BAD: variants seen among roughly 807,000 people sequenced by gnomAD.
BAD encodes the protein BCL2 associated agonist of cell death.
In BAD, 18 loss-of-function variants were observed where a neutral mutation model predicts 17.8. That is an observed-to-expected ratio of 1.01 (90% CI 0.70 to 1.50). The LOEUF (loss-of-function observed/expected upper bound fraction) is 1.50, where lower values mean the gene tolerates loss of function less well. Ranked by LOEUF, BAD falls within the 40% of genes most tolerant of loss-of-function variation. The pLI is 0.00. For synonymous variants in BAD, 112 were observed against 91.5 expected (o/e 1.22, Z -1.28); for missense variants, 294 against 239.3 (o/e 1.23, Z -1.51).
intron 2 of BAD, among the ~76,000 whole-genome samples, chr11:64,281,913 G>A (rs1023985926): frequency 3.9e-5 from 6 of 152,178 alleles, no homozygotes; most frequent in African/African-American, 1.4e-4. Context: ...TAGAGATGGG[G>A]TTTCACCATG....
intron 2 of BAD, among the ~76,000 whole-genome samples, chr11:64,278,960 A>G (rs534978415): frequency 2.0e-5 from 3 of 152,280 alleles, no homozygotes; most frequent in Non-Finnish European, 4.4e-5. Context: ...AAAGGTTAAG[A>G]AATCCAGCTC....
intron 3 of BAD, 48 bp downstream of exon 3, chr11:64,271,565 G>T: frequency 7.3e-7 from 1 of 1,366,220 alleles, no homozygotes; most frequent in South Asian, 1.7e-5. Flanking sequence ...GACCGGCGGG[G>T]GGCGGCCTGG....
chr11:64,269,917 G>A lies in BAD; in HGVS notation c.*292C>T. On this transcript the variant is annotated 3_prime_UTR_variant, in exon 4 of 4. Transcript: ENST00000309032. The stretch of plus-strand genomic sequence containing the variant: ...GGGCTCGGGTCCCGGTGACGCAACG[G>A]TTAAACCTGGCTCGCGACTTAGCGC... 3 of 705,820 alleles carry A rather than the reference G, an allele frequency of 4.3e-6. No individual in the cohort carries two copies. Among genetic ancestry groups the A allele is most frequent in the Non-Finnish European group, 7.7e-6 (3 of 390,480 alleles). The allele number at this position is 705,820 out of a possible 1,614,324, so 43.7% of individuals were successfully genotyped here. A position where few individuals can be genotyped will look rare whatever the true frequency, so the allele number is the denominator to read the frequency against.
rs1272434434 is a variant in BAD, at chr11:64,284,303, C to T, written c.66G>A (p.Leu22=). The T allele has an allele frequency of 5.0e-6, 8 of 1,612,162 alleles. No homozygotes were observed. The highest frequency in any genetic ancestry group is 6.8e-6 in the Non-Finnish European group (8 of 1,179,954). ...GCCCGTCCCCTGCGGGGCTGGGGCC[C>T]AGGCCCCTCTCTGCAGAGCTGGAGT... ...QEDSSSAERG[L]GPSPAGDGPS... The change falls in exon 2 of 4, where the codon CTG becomes CTA. Residue 22 remains leucine, a synonymous_variant. Coordinates refer to ENST00000309032, the MANE Select transcript of BAD (RefSeq NM_032989.3).
rs577299407 is a variant in BAD at position 64,280,686 on chromosome 11, G to A, written c.187+3496C>T. 8.0e-5 allele frequency among the ~76,000 whole-genome samples: 12 copies of A among 150,350 alleles called. No homozygotes were observed. The East Asian group carries it at 2.4e-3, about 30-fold the overall frequency. On this transcript the variant is annotated intron_variant, in intron 2 of 3. Coordinates refer to ENST00000309032, the MANE Select transcript of BAD (RefSeq NM_032989.3). ...TATTTTTATTTATTTTTTGTTTTTT[G>A]AGACGGACTCTTGCTCTGTCACCCA...
intron 2 of BAD, among the ~76,000 whole-genome samples, chr11:64,280,816 C>T (rs1002257584): frequency 2.0e-5 from 3 of 151,750 alleles, no homozygotes; most frequent in Middle Eastern, 3.2e-3. Context: ...TACAGGCGCC[C>T]ACCACCACAT....
At chr11:64,276,304 G>GTATGTA (rs2033058157) in intron 2 of BAD, 1 of 151,166 alleles carries the variant, frequency 6.6e-6, no homozygotes, top group Non-Finnish European at 1.5e-5. Flanking sequence ...ATATTTGTGT[G>GTATGTA]TGTGTGTGTG....
intron 2 of BAD, chr11:64,277,120 CAG>C: frequency 1.5e-6 from 1 of 645,580 alleles, no homozygotes; most frequent in Non-Finnish European, 2.9e-6. Flanking sequence ...TTAATTAAAA[CAG>C]TGGTGTTCCA....
chr11:64,277,504 C>T (rs2033155603), intron 2 of BAD, among the ~76,000 whole-genome samples: 4 of 152,236 alleles, frequency 2.6e-5, no homozygotes, highest in African/African-American at 9.6e-5. Flanking sequence ...GTGGCACGAT[C>T]TCAGCTTACT....
At chr11:64,281,258 G>A (rs1055109156) in intron 2 of BAD, among the ~76,000 whole-genome samples, 4 of 152,152 alleles carry the variant, frequency 2.6e-5, no homozygotes, top group African/African-American at 4.8e-5. Context: ...GAGCCACCGC[G>A]CCCAGCCTAA....
At chr11:64,276,916 A>AT in intron 2 of BAD, 1 of 762,038 alleles carries the variant, frequency 1.3e-6, no homozygotes, top group Non-Finnish European at 2.4e-6. Flanking sequence ...CTAGCTTTAC[A>AT]TTCTCTGCGT....
At chr11:64,279,495 G>A (rs760008364) in intron 2 of BAD, among the ~76,000 whole-genome samples, 4 of 152,194 alleles carry the variant, frequency 2.6e-5, no homozygotes, top group Non-Finnish European at 4.4e-5. Context: ...GGCCAGACGC[G>A]GTGGCTCATG....
At chr11:64,279,273 A>G (rs2033268311) in intron 2 of BAD, among the ~76,000 whole-genome samples, 1 of 152,052 alleles carries the variant, frequency 6.6e-6, no homozygotes, top group South Asian at 2.1e-4. Flanking sequence ...CCCAACTCCA[A>G]CGATGCTGCG....
intron 2 of BAD, among the ~76,000 whole-genome samples, chr11:64,280,128 T>C (rs12271952): frequency 0.12 from 18,420 of 151,158 alleles, 3,268 homozygotes; most frequent in African/African-American, 0.39. Context: ...CCATCCTGGC[T>C]AACATGGTGA....
chr11:64,271,904 G>T, intron 2 of BAD, 101 bp from the exon 3 acceptor site: 1 of 987,612 alleles, frequency 1.0e-6, no homozygotes, highest in Non-Finnish European at 1.3e-6. Flanking sequence ...GCCCACTCGT[G>T]GGTCTTCCAG....
At chr11:64,275,344 T>C (rs1207629025) in intron 2 of BAD, among the ~76,000 whole-genome samples, 1 of 152,220 alleles carries the variant, frequency 6.6e-6, no homozygotes, top group Non-Finnish European at 1.5e-5. Context: ...TTTCCAGTTC[T>C]GTGGTGCGGT....
At chr11:64,281,942 A>G (rs1452731118) in intron 2 of BAD, among the ~76,000 whole-genome samples, 1 of 152,134 alleles carries the variant, frequency 6.6e-6, no homozygotes, top group African/African-American at 2.4e-5. Context: ...GATGGTCTCC[A>G]TCTCTTCACC....
chr11:64,275,294 C>G (rs1334249482), intron 2 of BAD, among the ~76,000 whole-genome samples: 1 of 152,140 alleles, frequency 6.6e-6, no homozygotes, highest in Non-Finnish European at 1.5e-5. Flanking sequence ...GAGCCGGGAA[C>G]AGAAGGGGCA....
upstream of BAD, chr11:64,284,683 C>T: frequency 1.3e-6 from 2 of 1,535,760 alleles, no homozygotes; most frequent in Non-Finnish European, 1.7e-6. Context: ...CCCTCCAGCA[C>T]CCCGGGCTCC....
Sources: allele counts gnomAD v4.1 joint callset (sites outside exome capture counted in the v4.1 genomes callset), GRCh38; gene constraint gnomAD v4.1.1; transcripts MANE v1.5; gene names NCBI Gene and HGNC (gene_info 2026-07-23, HGNC 2026-07-21).